CEP135: variants seen among roughly 807,000 people sequenced by gnomAD.
CEP135 encodes the protein centrosomal protein of 135 kDa.
Under a neutral mutation model 157.3 loss-of-function variants are expected in CEP135, and 142 were observed. The ratio of observed to expected loss-of-function variants is 0.90; its 90% CI spans 0.79 to 1.04. CEP135 has a LOEUF of 1.04. CEP135 is among the 50% of genes least tolerant of loss of function. The pLI is 0.00. For missense variants in CEP135, 1,317 were observed against 1,309.2 expected (o/e 1.01, Z -0.09); for synonymous variants, 396 against 439.8 (o/e 0.90, Z 1.25).
In CEP135 at chr4:55,981,302, G is replaced by A; in HGVS notation, c.1702G>A (p.Glu568Lys). The change falls in exon 13 of 26, where the codon GAA (glutamate) becomes AAA (lysine). Residue 568 changes from glutamate to lysine, a missense_variant. Coordinates refer to ENST00000257287, the MANE Select transcript of CEP135 (RefSeq NM_025009.5). ...TAPHNIVSLMEKEKELALSDL... is the reference protein window; with the variant it reads ...TAPHNIVSLMKKEKELALSDL... ...ACCCCATAATATTGTTAGTCTTATG[G>A]AAAAGGAAAAAGAACTTGCGTTATC... 1 of 1,597,414 alleles carries A rather than the reference G, an allele frequency of 6.3e-7. No individual in the cohort carries two copies. The highest frequency in any genetic ancestry group is 8.5e-7 in the Non-Finnish European group (1 of 1,174,856).
chr4:55,949,275 T>G (rs1728276346), intron 1 of CEP135, among the ~76,000 whole-genome samples: 1 of 143,874 alleles, frequency 7.0e-6, no homozygotes, highest in African/African-American at 2.5e-5. Context: ...CACCCGACGG[T>G]AAAGTTGCAA....
At chr4:56,003,959 A>G (rs1412684795) in intron 17 of CEP135, among the ~76,000 whole-genome samples, 4 of 152,088 alleles carry the variant, frequency 2.6e-5, no homozygotes, top group African/African-American at 9.7e-5. Flanking sequence ...AGTCTCAAGC[A>G]GTCCTCTGGC....
chr4:56,024,094 A>T (rs963177095), intron 24 of CEP135, among the ~76,000 whole-genome samples: 4 of 143,146 alleles, frequency 2.8e-5, no homozygotes, highest in African/African-American at 1.0e-4. Context: ...GTATATTAGT[A>T]TTAGTTATAT....
intron 15 of CEP135, among the ~76,000 whole-genome samples, chr4:55,994,203 C>T (rs1482719978): frequency 6.6e-6 from 1 of 152,164 alleles, no homozygotes; most frequent in Non-Finnish European, 1.5e-5. Flanking sequence ...TCTTGCTACC[C>T]CTTTGATCAC....
intron 14 of CEP135, among the ~76,000 whole-genome samples, chr4:55,985,758 C>T (rs563549595): frequency 6.6e-6 from 1 of 152,216 alleles, no homozygotes; most frequent in South Asian, 2.1e-4. Flanking sequence ...CCACGCCTGG[C>T]CTAATACACT....
intron 17 of CEP135, among the ~76,000 whole-genome samples, chr4:56,004,606 T>C (rs968586046): frequency 1.3e-5 from 2 of 152,212 alleles, no homozygotes; most frequent in Non-Finnish European, 2.9e-5. Flanking sequence ...TGCATAAATA[T>C]GTATAATTAT....
chr4:55,990,012 T>G (rs1288591708), intron 14 of CEP135, among the ~76,000 whole-genome samples: 1 of 152,240 alleles, frequency 6.6e-6, no homozygotes, highest in Non-Finnish European at 1.5e-5. Context: ...ATTTACATAT[T>G]GTCTGTGACT....
intron 10 of CEP135, among the ~76,000 whole-genome samples, chr4:55,973,895 T>C (rs1729106923): frequency 6.6e-6 from 1 of 152,200 alleles, no homozygotes; most frequent in Non-Finnish European, 1.5e-5. Flanking sequence ...CTGCTTTTCA[T>C]TCATTTGCTT....
At chr4:55,967,908 T>C (rs1263992280) in intron 8 of CEP135, among the ~76,000 whole-genome samples, 1 of 152,194 alleles carries the variant, frequency 6.6e-6, no homozygotes, top group African/African-American at 2.4e-5. Flanking sequence ...CTCAACATAG[T>C]ACTGGAAGTC....
intron 15 of CEP135, among the ~76,000 whole-genome samples, chr4:55,996,877 A>G (rs1298805100): frequency 6.6e-6 from 1 of 152,186 alleles, no homozygotes; most frequent in Admixed American, 6.5e-5. Context: ...GGAAATAATT[A>G]CCTTTGTCCC....
chr4:56,001,613 G>T (rs897367454), intron 17 of CEP135, among the ~76,000 whole-genome samples: 2 of 152,086 alleles, frequency 1.3e-5, no homozygotes, highest in Admixed American at 1.3e-4. Context: ...CTGTTGGTCT[G>T]TGTGTCTTGT....
In CEP135 at chr4:55,952,654, G is replaced by A. The variant is rs563837657; in HGVS notation, c.113+411G>A. The A allele has an allele frequency of 2.5e-3, 446 of 176,444 alleles. 3 individuals carry two copies. The highest frequency in any genetic ancestry group is 0.01 in the African/African-American group (434 of 42,212). The allele number at this position is 176,444 out of a possible 1,614,324, so 10.9% of individuals were successfully genotyped here. A position where few individuals can be genotyped will look rare whatever the true frequency, so the allele number is the denominator to read the frequency against. The stretch of plus-strand genomic sequence containing the variant: ...CATGTCATCATTAGGTGATTTTTTC[G>A]TTGTACCAACATCATAGGGTGTGCT... On this transcript the variant is annotated intron_variant, in intron 2 of 25. Coordinates refer to ENST00000257287, the MANE Select transcript of CEP135 (RefSeq NM_025009.5).
rs2109640878 is a variant in CEP135 at position 55,954,267 on chromosome 4, T to C, written c.356T>C (p.Phe119Ser). The change falls in exon 4 of 26, where the codon TTT becomes TCT. Residue 119 changes from phenylalanine (F) to serine (S), a missense_variant. Physicochemically the swap from Phe to Ser is radical, Grantham distance 155. Transcript: ENST00000257287. Reference sequence around the variant, plus strand: ...GCACGTGAAACAGCTGATCTGAAATTTCTGAATAACCAATATGCTCATAAA... The same window carrying C: ...GCACGTGAAACAGCTGATCTGAAATCTCTGAATAACCAATATGCTCATAAA... ...KCARETADLK[F>S]LNNQYAHKLK... 6.2e-7 allele frequency: 1 copy of C among 1,606,798 alleles called. No homozygotes were observed. Among genetic ancestry groups the C allele is most frequent in the East Asian group, 2.2e-5 (1 of 44,486 alleles).
chr4:55,996,735 G>A (rs1414595419), intron 15 of CEP135, among the ~76,000 whole-genome samples: 1 of 148,976 alleles, frequency 6.7e-6, no homozygotes, highest in South Asian at 2.1e-4. Flanking sequence ...TTTTCTAATA[G>A]GCCATTAAAA....
intron 13 of CEP135, among the ~76,000 whole-genome samples, chr4:55,982,148 C>T (rs1729433108): frequency 6.6e-6 from 1 of 152,192 alleles, no homozygotes; most frequent in Non-Finnish European, 1.5e-5. Flanking sequence ...AGGCAGCCAC[C>T]TGTGTCTCTA....
chr4:55,979,302 C>A (rs1729324212), intron 11 of CEP135, among the ~76,000 whole-genome samples: 1 of 152,000 alleles, frequency 6.6e-6, no homozygotes, highest in African/African-American at 2.4e-5. Context: ...AATCAGAGTG[C>A]TCTCATCTTT....
intron 22 of CEP135, among the ~76,000 whole-genome samples, 188 bp from the exon 23 acceptor site, chr4:56,019,165 G>A (rs1369377876): frequency 6.6e-6 from 1 of 152,088 alleles, no homozygotes; most frequent in African/African-American, 2.4e-5. Flanking sequence ...AGTAAAAATA[G>A]CAAAGATTAT....
chr4:55,954,308 A>G lies in CEP135; in HGVS notation c.397A>G (p.Lys133Glu), dbSNP rs200447439. 393 of 1,611,862 alleles carry G rather than the reference A, an allele frequency of 2.4e-4. No individual in the cohort carries two copies. The highest frequency in any genetic ancestry group is 9.2e-4 in the East Asian group (41 of 44,724). The change falls in exon 4 of 26, where the codon AAA becomes GAA. Residue 133 changes from lysine (K) to glutamate (E), a missense_variant. Physicochemically the swap from Lys to Glu is moderately conservative, Grantham distance 56. Transcript: ENST00000257287. ...TGCTCATAAACTCAAACTGTTGGAG[A>G]AAGAGAGCAAAGCTAAGAATGAAAG... ...QYAHKLKLLE[K>E]ESKAKNERIQ...
rs998600552 is a variant in CEP135 at position 56,031,882 on chromosome 4, T to C, written c.*534T>C. The C allele has an allele frequency of 2.4e-4, 36 of 152,232 alleles. No individual in the cohort carries two copies. The highest frequency in any genetic ancestry group is 8.0e-4 in the African/African-American group (33 of 41,468). The allele number at this position is 152,232 out of a possible 1,614,324, so 9.4% of individuals were successfully genotyped here. On this transcript the variant is annotated 3_prime_UTR_variant, in exon 26 of 26. Transcript: ENST00000257287. ...TTGTCAAGGGGAATATATTCAGGTC[T>C]AGTCTTCTTATAATAGCAGAGGTCT... is the stretch of plus-strand genomic sequence containing the variant.
Sources: gnomAD v4.1 joint callset for allele counts (sites outside exome capture counted in the v4.1 genomes callset) on GRCh38, gnomAD v4.1.1 for gene constraint, MANE v1.5 for transcripts, NCBI Gene and HGNC (gene_info 2026-07-23, HGNC 2026-07-21) for gene names.